Variants in COL20A1 observed in about 807,000 individuals in gnomAD.
COL20A1 encodes collagen alpha-1(XX) chain.
Under a neutral mutation model 152.9 loss-of-function variants are expected in COL20A1, and 164 were observed. The observed-to-expected ratio is 1.07, with a 90% confidence interval of 0.94 to 1.22. The LOEUF (loss-of-function observed/expected upper bound fraction) is 1.22. Among genes scored for constraint, COL20A1 ranks in the 50% most tolerant of loss-of-function variants. The pLI is 0.00. For missense variants in COL20A1, 1,873 were observed against 1,744.8 expected, an observed-to-expected ratio of 1.07 and a Z score of -1.31; for synonymous variants, 864 against 756.0, an observed-to-expected ratio of 1.14 and a Z score of -2.34.
At position 63,321,092 on chromosome 20, in the gene COL20A1, G is replaced by C; in HGVS notation, c.3233G>C (p.Gly1078Ala). Residue 1078 changes from glycine to alanine, a missense_variant, in exon 26 of 36, where the codon GGA becomes GCA. Gly to Ala is a moderately conservative substitution (Grantham distance 60, BLOSUM62 0). Transcript: ENST00000358894. ...SETPGPPGPQGPPGLPGRNGT... is the reference protein window; with the variant it reads ...SETPGPPGPQAPPGLPGRNGT... Reference sequence around the variant, plus strand: ...ACCCCTGGGCCCCCAGGACCTCAAGGACCCCCAGTGAGTCCAGTGGCGTCT... The same window carrying C: ...ACCCCTGGGCCCCCAGGACCTCAAGCACCCCCAGTGAGTCCAGTGGCGTCT... 6.3e-7 allele frequency: 1 copy of C among 1,594,266 alleles called. No individual in the cohort carries two copies. Among genetic ancestry groups the C allele is most frequent in the South Asian group, 1.1e-5 (1 of 87,592 alleles).
At chr20:63,307,684 G>A (rs375922807) in intron 6 of COL20A1, 36 bp downstream of exon 6, 45 of 1,595,082 alleles carry the variant, frequency 2.8e-5, no homozygotes, top group South Asian at 1.1e-4. Context: ...TGCCCCACCC[G>A]GGTGTGGTCC....
chr20:63,322,151 C>G (rs559635699), intron 27 of COL20A1, 40 bp downstream of exon 27: 7 of 1,438,030 alleles, frequency 4.9e-6, no homozygotes, highest in Non-Finnish European at 5.6e-6. Flanking sequence ...GGGCCTGGAT[C>G]GTACCTACCA....
chr20:63,325,562 G>T lies in COL20A1; in HGVS notation c.3348+68G>T, dbSNP rs1030488325. The T allele has an allele frequency of 1.9e-6, 3 of 1,552,004 alleles. No individual in the cohort carries two copies. In the African/African-American group the frequency reaches 4.1e-5, roughly 21 times the overall value. ...TGGGGGAAGGACAGGGATGGAGATG[G>T]GGAGTGCCTGGGGGGCACAGGGGTT... is the stretch of plus-strand genomic sequence containing the variant. On this transcript the variant is annotated intron_variant, in intron 28 of 35. Coordinates refer to ENST00000358894, the MANE Select transcript of COL20A1 (RefSeq NM_020882.4).
Position 63,312,277 on chromosome 20 carries a change from C to T in COL20A1, c.1804-143C>T, listed in dbSNP as rs547190137. The T allele has an allele frequency of 1.3e-4, 145 of 1,145,642 alleles. 1 individual carries two copies. The South Asian group carries it at 2.3e-3, about 18-fold the overall frequency. 71.0% of individuals were successfully genotyped at this position (1,145,642 alleles called of 1,614,324 possible). ...CCGTCCTGCAGTTCTGTTGCCCTCC[C>T]ATCCCTCAGGACAAGCCCATTTTCC... On this transcript the variant is annotated intron_variant, in intron 14 of 35. Transcript: ENST00000358894.
At position 63,319,439 on chromosome 20, in the gene COL20A1, C is replaced by T. The variant is rs1188418177; in HGVS notation, c.2807-48C>T. The T allele has an allele frequency of 4.2e-6, 6 of 1,422,336 alleles. No homozygotes were observed. The highest frequency in any genetic ancestry group is 5.8e-6 in the Non-Finnish European group (6 of 1,033,852). The allele number at this position is 1,422,336 out of a possible 1,614,324, so 88.1% of individuals were successfully genotyped here. On this transcript the variant is annotated intron_variant, in intron 22 of 35. Coordinates refer to ENST00000358894, the MANE Select transcript of COL20A1 (RefSeq NM_020882.4). The surrounding 1 kb of genome is among the most constrained non-coding windows in gnomAD (Gnocchi z 4.4). ...GGGCCGCCCTGCTCAAGGTATAGGC[C>T]CGGCTGGTTGCAGCCCGTTCTCACC...
chr20:63,331,949 G>A lies in COL20A1; in HGVS notation c.*1233G>A, dbSNP rs974006174. On this transcript the variant is annotated 3_prime_UTR_variant, in exon 36 of 36. Transcript: ENST00000358894. ...CTATGATTCAACTGTTCCAGGAACTGACCAGACCTGGAGACCAAATAGAGA... is the reference window on the plus strand; with the variant it reads ...CTATGATTCAACTGTTCCAGGAACTAACCAGACCTGGAGACCAAATAGAGA... The A allele has an allele frequency of 3.9e-5, 6 of 152,242 alleles. No individual in the cohort carries two copies. The highest frequency in any genetic ancestry group is 1.4e-4 in the African/African-American group (6 of 41,410). The allele number at this position is 152,242 out of a possible 1,614,324, so 9.4% of individuals were successfully genotyped here.
At chr20:63,308,476 C>T in intron 7 of COL20A1, 66 bp from the exon 8 acceptor site, 2 of 1,419,408 alleles carry the variant, frequency 1.4e-6, no homozygotes, top group African/African-American at 1.4e-5. Flanking sequence ...TGTCCGGTTG[C>T]TGCCAGCCGA....
chr20:63,308,017 C>A lies in COL20A1; in HGVS notation c.702C>A (p.Asn234Lys), dbSNP rs369163909. Residue 234 changes from asparagine to lysine, a missense_variant, in exon 7 of 36, where the codon AAC becomes AAA. Asn to Lys is a moderately conservative substitution (Grantham distance 94). Transcript: ENST00000358894. ...SGDAQTEWDL[N>K]SLSTKEQVLA... The stretch of plus-strand genomic sequence containing the variant: ...ATGCTCAGACTGAGTGGGACCTGAA[C>A]TCCCTCAGCACCAAGGAACAGGTGC... 2 of 1,612,518 alleles carry A rather than the reference C, an allele frequency of 1.2e-6. No individual in the cohort carries two copies. The highest frequency in any genetic ancestry group is 1.7e-6 in the Non-Finnish European group (2 of 1,179,774).
chr20:63,327,873 C>T, intron 31 of COL20A1, 79 bp from the exon 32 acceptor site: 1 of 1,431,410 alleles, frequency 7.0e-7, no homozygotes, highest in Non-Finnish European at 9.6e-7. Flanking sequence ...TGAGGATCCA[C>T]CTCAGGGCCA....
intron 8 of COL20A1, 27 bp downstream of exon 8, chr20:63,308,733 C>A: frequency 1.3e-6 from 2 of 1,552,200 alleles, no homozygotes; most frequent in East Asian, 2.4e-5. Flanking sequence ...TCCCCCGGCC[C>A]TGGAGTCTCA....
intron 20 of COL20A1, among the ~76,000 whole-genome samples, chr20:63,315,758 C>T (rs1047860265): frequency 2.6e-5 from 4 of 152,224 alleles, no homozygotes; most frequent in African/African-American, 4.8e-5. Flanking sequence ...GTGCTGAGCC[C>T]GGGGTTCTCA....
chr20:63,302,341 G>A (rs1437220157), intron 3 of COL20A1, among the ~76,000 whole-genome samples: 1 of 152,090 alleles, frequency 6.6e-6, no homozygotes, highest in African/African-American at 2.4e-5. Flanking sequence ...TAATTATTGA[G>A]ATGGAATCTC....
rs1038808046 is a variant in COL20A1, at chr20:63,309,509, G to T, written c.1105+12G>T. The T allele has an allele frequency of 1.0e-5, 15 of 1,497,576 alleles. No individual in the cohort carries two copies. Among genetic ancestry groups the T allele is most frequent in the African/African-American group, 1.4e-5 (1 of 71,452 alleles). 92.8% of individuals were successfully genotyped at this position (1,497,576 alleles called of 1,614,324 possible). The stretch of plus-strand genomic sequence containing the variant: ...GCGGCAGGGCCCAGGTGAGGGGCAG[G>T]GTCACCCGCACAGGCTGCAGCCCCC... On this transcript the variant is annotated intron_variant, in intron 9 of 35. Coordinates refer to ENST00000358894, the MANE Select transcript of COL20A1 (RefSeq NM_020882.4).
At position 63,297,428 on chromosome 20, in the gene COL20A1, T is replaced by C. The variant is rs536915746; in HGVS notation, c.83-482T>C. On this transcript the variant is annotated intron_variant, in intron 2 of 35. Transcript: ENST00000358894. ...CCCAGGGGCCCCAGCCCAGGGGACT[T>C]AGCTCAGGGGACCCAGCCCGGGGAC... 2.4e-3 allele frequency among the ~76,000 whole-genome samples: 351 copies of C among 145,862 alleles called. 2 individuals are homozygous for C. The highest frequency in any genetic ancestry group is 7.6e-3 in the African/African-American group (302 of 39,512).
rs1337700822 is a variant in COL20A1 at position 63,328,043 on chromosome 20, AC to A, written c.3565-35del. On this transcript the variant is annotated intron_variant, in intron 32 of 35. Coordinates refer to ENST00000358894, the MANE Select transcript of COL20A1 (RefSeq NM_020882.4). Reference sequence around the variant, plus strand: ...GGGATCTCCTGGGAAGGCACCTGCCACACGGGTCCCAAAGCTGCACCACCTT... The same window carrying A: ...GGGATCTCCTGGGAAGGCACCTGCCAACGGGTCCCAAAGCTGCACCACCTT... 3.7e-6 allele frequency: 6 copies of A among 1,613,226 alleles called. No individual in the cohort carries two copies. The Admixed American group carries it at 1.0e-4, about 27-fold the overall frequency.
Position 63,312,843 on chromosome 20 carries a change from C to A in COL20A1, c.1985C>A (p.Ala662Glu). ...TCCATGACGGAGCTGCCAGGGGATG[C>A]AGTCCAGCTGGCGTGGGTGGCCGCA... is the stretch of plus-strand genomic sequence containing the variant. ...QLSMTELPGDAVQLAWVAAAP... is the reference protein window; with the variant it reads ...QLSMTELPGDEVQLAWVAAAP... Residue 662 changes from alanine (A) to glutamate (E), a missense_variant, in exon 16 of 36, where the codon GCA (alanine) becomes GAA (glutamate). Physicochemically the swap from Ala to Glu is moderately radical, Grantham distance 107. Coordinates refer to ENST00000358894, the MANE Select transcript of COL20A1 (RefSeq NM_020882.4). 1.3e-6 allele frequency: 2 copies of A among 1,559,662 alleles called. No homozygotes were observed. The highest frequency in any genetic ancestry group is 1.7e-6 in the Non-Finnish European group (2 of 1,151,876).
At chr20:63,325,832 G>A in intron 29 of COL20A1, 111 bp downstream of exon 29, 1 of 1,013,722 alleles carries the variant, frequency 9.9e-7, no homozygotes, top group South Asian at 1.5e-5. Flanking sequence ...GCTTTCTCCT[G>A]GGCTCCTGCC....
chr20:63,322,578 T>C (rs1601436608), intron 27 of COL20A1, among the ~76,000 whole-genome samples: 1 of 151,926 alleles, frequency 6.6e-6, no homozygotes, highest in Admixed American at 6.6e-5. Context: ...TGCAGGGAGG[T>C]GTTTCGGGGG....
chr20:63,315,367 C>G, intron 19 of COL20A1, 37 bp from the exon 20 acceptor site: 1 of 1,552,900 alleles, frequency 6.4e-7, no homozygotes, highest in South Asian at 1.2e-5. Context: ...GAGGCTGGGC[C>G]GCTCCCACTC....
Sources: allele counts gnomAD v4.1 joint callset (sites outside exome capture counted in the v4.1 genomes callset), GRCh38; gene constraint gnomAD v4.1.1; non-coding constraint Gnocchi (gnomAD v3.1); transcripts MANE v1.5; gene names NCBI Gene and HGNC (gene_info 2026-07-23, HGNC 2026-07-21).